Variants in PISD observed in about 807,000 individuals in gnomAD.
PISD encodes the protein phosphatidylserine decarboxylase, also known as phosphatidylserine decarboxylase proenzyme, mitochondrial.
A neutral mutation model predicts 43.5 loss-of-function variants in PISD; 31 were observed. That is an observed-to-expected ratio of 0.71 (90% confidence interval 0.54 to 0.96). The LOEUF is 0.96. Among genes scored for constraint, PISD ranks in the 40% least tolerant of loss-of-function variants. PISD has a pLI of 0.00. For missense variants in PISD, 523 were observed against 548.4 expected (o/e 0.95, Z 0.46); for synonymous variants, 259 against 228.7 (o/e 1.13, Z -1.20).
intron 3 of PISD, chr22:31,623,603 A>G: frequency 2.9e-6 from 4 of 1,360,244 alleles, no homozygotes; most frequent in Admixed American, 2.4e-5. Context: ...ACAGCTCGCC[A>G]CCACCTCAGT....
At chr22:31,662,306 C>A, upstream of PISD, 1 of 1,293,810 alleles carries the variant, frequency 7.7e-7, no homozygotes, top group Non-Finnish European at 1.1e-6. Flanking sequence ...ATGAGAAAAG[C>A]GCGGGTTGGG....
chr22:31,641,372 C>T (rs1375503926), intron 3 of PISD, among the ~76,000 whole-genome samples: 6 of 152,076 alleles, frequency 3.9e-5, no homozygotes, highest in Admixed American at 6.6e-5. Flanking sequence ...CAGAATACCA[C>T]GACAGCTGAT....
chr22:31,619,828 G>A lies in PISD; in HGVS notation c.1014C>T (p.His338=), dbSNP rs202078412. The change falls in exon 8 of 8, where the codon CAC becomes CAT. Residue 338 remains histidine, a synonymous_variant. Transcript: ENST00000439502. ...SIRIYFDRDL[H]TNSPRHSKGS... The stretch of plus-strand genomic sequence containing the variant: ...CCTTGCTGTGCCTTGGGCTGTTTGT[G>A]TGCAGGTCCTGTGGTGATAGGCTGG... The A allele has an allele frequency of 1.9e-6, 3 of 1,612,726 alleles. No individual in the cohort carries two copies. The highest frequency in any genetic ancestry group is 2.5e-6 in the Non-Finnish European group (3 of 1,178,954).
chr22:31,653,038 T>TA (rs36011234), intron 1 of PISD, among the ~76,000 whole-genome samples: 12,393 of 114,246 alleles, frequency 0.11, 714 homozygotes, highest in Non-Finnish European at 0.15. Context: ...GACCCTACCT[T>TA]AAAAAAAAAA....
intron 3 of PISD, among the ~76,000 whole-genome samples, chr22:31,622,436 C>T (rs1014061069): frequency 3.9e-5 from 6 of 152,196 alleles, no homozygotes; most frequent in Non-Finnish European, 5.9e-5. Flanking sequence ...TGCAGGTCTG[C>T]GATGTCACTG....
rs73402167 is a variant in PISD at position 31,648,835 on chromosome 22, C to G, written c.146-559G>C. Among the ~76,000 whole-genome samples, 9 of 152,154 alleles carry G rather than the reference C, an allele frequency of 5.9e-5. No individual in the cohort carries two copies. In the East Asian group the frequency reaches 1.7e-3, roughly 29 times the overall value. ...AATTACAATGCACCTCAACTGCCAC[C>G]GCAGTCACAAAATGTATTAATAGAT... On this transcript the variant is annotated intron_variant, in intron 2 of 7. Coordinates refer to ENST00000439502, the MANE Select transcript of PISD (RefSeq NM_001326411.2).
Position 31,621,015 on chromosome 22 carries a change from G to A in PISD, c.825C>T (p.Ser275=), listed in dbSNP as rs1457270650. 1 of 1,613,314 alleles carries A rather than the reference G, an allele frequency of 6.2e-7. No individual in the cohort carries two copies. The highest frequency in any genetic ancestry group is 8.5e-7 in the Non-Finnish European group (1 of 1,179,648). The change falls in exon 6 of 8, where the codon TCC becomes TCT. Residue 275 remains serine, a synonymous_variant. Transcript: ENST00000439502. ...GCTGACCTGGGAAGTGGCGCCGGTGGGACACAGTCCAGTCGGTGGGGGAGT... is the reference window on the plus strand; with the variant it reads ...GCTGACCTGGGAAGTGGCGCCGGTGAGACACAGTCCAGTCGGTGGGGGAGT... The part of the protein sequence containing the change: ...CFHSPTDWTV[S]HRRHFPGSLM...
chr22:31,628,872 A>G (rs868627077), intron 3 of PISD: 10 of 985,354 alleles, frequency 1.0e-5, no homozygotes, highest in East Asian at 1.1e-4. Flanking sequence ...CAAAAAGTCA[A>G]CCTCACACTC....
At chr22:31,657,752 C>T (rs879583343) in intron 1 of PISD, among the ~76,000 whole-genome samples, 6 of 151,984 alleles carry the variant, frequency 3.9e-5, no homozygotes, top group Non-Finnish European at 8.8e-5. Context: ...AACTCCTGAC[C>T]TCAGGTGATC....
At chr22:31,653,801 G>A (rs2074097891) in intron 1 of PISD, among the ~76,000 whole-genome samples, 1 of 152,188 alleles carries the variant, frequency 6.6e-6, no homozygotes, top group African/African-American at 2.4e-5. Flanking sequence ...TGGCCAACAT[G>A]GTGAAACCCC....
intron 1 of PISD, among the ~76,000 whole-genome samples, chr22:31,659,207 T>C (rs1427074284): frequency 2.0e-5 from 3 of 152,190 alleles, no homozygotes; most frequent in Non-Finnish European, 4.4e-5. Context: ...ATAGTCCTTA[T>C]GTCTCCCTTG....
At chr22:31,649,917 G>A (rs545264104) in intron 2 of PISD, among the ~76,000 whole-genome samples, 113 of 152,232 alleles carry the variant, frequency 7.4e-4, no homozygotes, top group Non-Finnish European at 1.1e-3. Flanking sequence ...GAATGCCAGA[G>A]ATTGCCAGCA....
intron 1 of PISD, among the ~76,000 whole-genome samples, chr22:31,656,316 C>G (rs1407418402): frequency 6.6e-6 from 1 of 151,818 alleles, no homozygotes; most frequent in African/African-American, 2.4e-5. Flanking sequence ...TGCACTCCAG[C>G]CTGGGCATGA....
rs960044601 is a variant in PISD at position 31,625,978 on chromosome 22, G to C, written c.322-4093C>G. Reference sequence around the variant, plus strand: ...GGCGCCGCTTCCTGGGTTTGGTTCAGTCTCGGTGGCTCACAGGGTGCAGAA... The same window carrying C: ...GGCGCCGCTTCCTGGGTTTGGTTCACTCTCGGTGGCTCACAGGGTGCAGAA... On this transcript the variant is annotated intron_variant, in intron 3 of 7. Transcript: ENST00000439502. The C allele has an allele frequency of 1.1e-4, 164 of 1,467,884 alleles. 4 individuals are homozygous for C. The East Asian group carries it at 4.0e-3, about 36-fold the overall frequency. 90.9% of individuals were successfully genotyped at this position (1,467,884 alleles called of 1,614,324 possible).
At chr22:31,636,759 G>A (rs549489236) in intron 3 of PISD, among the ~76,000 whole-genome samples, 1 of 151,132 alleles carries the variant, frequency 6.6e-6, no homozygotes, top group African/African-American at 2.4e-5. Context: ...AGCCAGGATG[G>A]TCTCGATCTC....
At chr22:31,623,390 G>A (rs1259666782) in intron 3 of PISD, among the ~76,000 whole-genome samples, 1 of 152,192 alleles carries the variant, frequency 6.6e-6, no homozygotes, top group Non-Finnish European at 1.5e-5. Flanking sequence ...ACCATTTTCT[G>A]AATCCCCAGA....
At chr22:31,625,939 C>CGAGGCTGGTTGGTG (rs2072885999) in intron 3 of PISD, 2 of 1,503,322 alleles carry the variant, frequency 1.3e-6, no homozygotes, top group South Asian at 2.6e-5. Flanking sequence ...TCTGCCTCTG[C>CGAGGCTGGTTGGTG]GAGGCTGGTT....
At chr22:31,629,194 T>TG in intron 3 of PISD, 1 of 985,354 alleles carries the variant, frequency 1.0e-6, no homozygotes, top group Non-Finnish European at 1.2e-6. Context: ...AGGCAGCAGT[T>TG]ACTACAGGTT....
chr22:31,630,781 G>A lies in PISD; in HGVS notation c.322-8896C>T. 1 of 985,596 alleles carries A rather than the reference G, an allele frequency of 1.0e-6. No individual in the cohort carries two copies. The highest frequency in any genetic ancestry group is 4.7e-5 in the South Asian group (1 of 21,292). 61.1% of individuals were successfully genotyped at this position (985,596 alleles called of 1,614,324 possible). A position where few individuals can be genotyped will look rare whatever the true frequency, so the allele number is the denominator to read the frequency against. ...TCACCTGGGGCTCCCGGCAGGGCCGGGGCGCCGGCTCCGCTCACTCACCCG... is the reference window on the plus strand; with the variant it reads ...TCACCTGGGGCTCCCGGCAGGGCCGAGGCGCCGGCTCCGCTCACTCACCCG... On this transcript the variant is annotated intron_variant, in intron 3 of 7. Transcript: ENST00000439502. This position sits in a 1 kb window ranked among gnomAD's most constrained non-coding sequence, Gnocchi z 4.4.
Sources: gnomAD v4.1 joint callset for allele counts (sites outside exome capture counted in the v4.1 genomes callset) on GRCh38, gnomAD v4.1.1 for gene constraint, Gnocchi (gnomAD v3.1) non-coding constraint, MANE v1.5 for transcripts, NCBI Gene and HGNC (gene_info 2026-07-23, HGNC 2026-07-21) for gene names.